The following KDM5C variants were observed in gnomAD, a reference collection of about 807,000 sequenced individuals.
The protein encoded by KDM5C is lysine demethylase 5C.
KDM5C carries 16 observed loss-of-function variants against 110.6 expected under a neutral mutation model. The ratio of observed to expected loss-of-function variants is 0.14; its 90% CI spans 0.10 to 0.22. KDM5C has a LOEUF of 0.22. Among genes scored for constraint, KDM5C ranks in the 10% least tolerant of loss-of-function variants. KDM5C has a pLI of 1.00. For missense variants in KDM5C, 681 were observed against 1,300.9 expected (o/e 0.52, Z 7.33); for synonymous variants, 511 against 520.4 (o/e 0.98, Z 0.24).
chrX:53,197,738 T>G (rs782149324), intron 18 of KDM5C, 33 bp downstream of exon 18: 26 of 1,109,753 alleles, frequency 2.3e-5, no homozygotes, highest in Non-Finnish European at 1.2e-6. Flanking sequence ...CCTGGTCCCC[T>G]TGATCCCTCA....
chrX:53,216,407 G>T (rs781908897), intron 5 of KDM5C, among the ~76,000 whole-genome samples: 1 of 112,186 alleles, frequency 8.9e-6, no homozygotes, highest in South Asian at 3.7e-4. Flanking sequence ...ATAAAAGACA[G>T]GATATCTCAG....
chrX:53,194,838 G>A (rs1229513531), intron 22 of KDM5C, 93 bp downstream of exon 22: 16 of 1,191,027 alleles, frequency 1.3e-5, no homozygotes, highest in Non-Finnish European at 1.5e-5. Context: ...GGAGAACTGA[G>A]GCTCAGGGGA....
At chrX:53,207,297 T>C (rs1556846020) in intron 12 of KDM5C, among the ~76,000 whole-genome samples, 1 of 111,401 alleles carries the variant, frequency 9.0e-6, no homozygotes, top group Non-Finnish European at 1.9e-5. Context: ...TTACCATTTC[T>C]ATGTGTAATT....
chrX:53,184,641 C>T (rs976534524), intron 25 of KDM5C, among the ~76,000 whole-genome samples: 23 of 112,221 alleles, frequency 2.0e-4, no homozygotes, highest in African/African-American at 7.4e-4. Flanking sequence ...TTATGTTGAA[C>T]CATTCTTGCA....
intron 12 of KDM5C, among the ~76,000 whole-genome samples, chrX:53,208,803 CTCTTTTTTTTTTTTTT>C (rs782505864): frequency 0.033 from 1,554 of 47,029 alleles, 18 homozygotes; most frequent in Non-Finnish European, 0.047. Context: ...CCACACCCGG[CTCTTTTTTTTTTTTTT>C]TTTTTTTTTT....
At chrX:53,200,911 GTAA>G (rs1377291747) in intron 14 of KDM5C, among the ~76,000 whole-genome samples, 1 of 112,267 alleles carries the variant, frequency 8.9e-6, no homozygotes, top group Admixed American at 9.5e-5. Context: ...CTTCAGCTTG[GTAA>G]TATTATTGCC....
rs782194913 is a variant in KDM5C, at chrX:53,210,592, A to T, written c.1584-16T>A. 9 of 1,210,208 alleles carry T rather than the reference A, an allele frequency of 7.4e-6. No individual in the cohort carries two copies. Among genetic ancestry groups the T allele is most frequent in the East Asian group, 3.0e-5 (1 of 33,793 alleles). On this transcript the variant is annotated splice_polypyrimidine_tract_variant and intron_variant, in intron 11 of 25. Coordinates refer to ENST00000375401, the MANE Select transcript of KDM5C (RefSeq NM_004187.5). ...CGGCTCACCCCTGCACAAGTGGAAA[A>T]GGGACACACACAGTAAATCACACCT...
chrX:53,181,255 G>A (rs182017382), intron 25 of KDM5C, among the ~76,000 whole-genome samples: 8 of 110,956 alleles, frequency 7.2e-5, no homozygotes, highest in Non-Finnish European at 1.3e-4. Context: ...GAATTACAAC[G>A]CAGGTTGAAT....
Position 53,193,206 on chromosome X carries a change from C to T in KDM5C, c.4444G>A (p.Val1482Ile). ...TCAGCCTCTGGCCCTGAGCTCCGTA[C>T]CCTCTTTGGCTCTAGCTCCTCTCGG... ...PAREELEPKR[V>I]RSSGPEAEEV... Residue 1482 changes from valine (V) to isoleucine (I), a missense_variant, in exon 26 of 26, where the codon GTA becomes ATA. By Grantham distance (29) the Val-to-Ile change is conservative. Transcript: ENST00000375401. 1 of 1,210,410 alleles carries T rather than the reference C, an allele frequency of 8.3e-7. No homozygotes were observed. The highest frequency in any genetic ancestry group is 1.1e-6 in the Non-Finnish European group (1 of 895,386).
At chrX:53,209,429 A>G (rs2073490503) in intron 12 of KDM5C, among the ~76,000 whole-genome samples, 4 of 111,654 alleles carry the variant, frequency 3.6e-5, no homozygotes, top group African/African-American at 1.3e-4. Flanking sequence ...GGCATATAGT[A>G]TACCAAAACA....
chrX:53,219,201 G>A (rs2073832705), intron 2 of KDM5C, among the ~76,000 whole-genome samples: 2 of 112,314 alleles, frequency 1.8e-5, no homozygotes, highest in Admixed American at 1.9e-4. Flanking sequence ...GAAAATAACT[G>A]CACAGTCCAC....
chrX:53,225,023 G>A lies in KDM5C; in HGVS notation c.-134C>T. The A allele has an allele frequency of 1.3e-6, 1 of 767,210 alleles. No individual in the cohort carries two copies. The allele number at this position is 767,210 out of a possible 1,213,427, so 63.2% of individuals were successfully genotyped here. On this transcript the variant is annotated 5_prime_UTR_variant, in exon 1 of 26. Transcript: ENST00000375401. ...GCGGGGCAGCCGCCGCCCGCCGAGG[G>A]CCTAAGGGGGCGTGTGGCCGTCGTG...
downstream of KDM5C, among the ~76,000 whole-genome samples, chrX:53,189,880 T>C (rs782577381): frequency 8.9e-6 from 1 of 111,797 alleles, no homozygotes; most frequent in South Asian, 3.8e-4. Flanking sequence ...AAGGCACAGG[T>C]GGAGACACTA....
At chrX:53,198,421 T>C in intron 17 of KDM5C, 69 bp downstream of exon 17, 1 of 1,129,860 alleles carries the variant, frequency 8.9e-7, no homozygotes, top group South Asian at 1.9e-5. Context: ...GTCTACCCCT[T>C]GCAGCACTTT....
intron 25 of KDM5C, among the ~76,000 whole-genome samples, chrX:53,184,894 A>ATTG (rs1556827590): frequency 8.9e-6 from 1 of 111,990 alleles, no homozygotes; most frequent in African/African-American, 3.2e-5. Context: ...ATTTCTAAAA[A>ATTG]TTGTTCTATT....
chrX:53,184,191 G>A (rs1367917133), intron 25 of KDM5C, among the ~76,000 whole-genome samples: 1 of 111,995 alleles, frequency 8.9e-6, no homozygotes, highest in African/African-American at 3.3e-5. Flanking sequence ...TGCTTTTTAT[G>A]TGTTGATCTT....
At chrX:53,198,186 G>A (rs1047173670) in intron 17 of KDM5C, among the ~76,000 whole-genome samples, 1 of 111,547 alleles carries the variant, frequency 9.0e-6, no homozygotes, top group Non-Finnish European at 1.9e-5. Context: ...TTACCCGTAA[G>A]CCTCCCACAA....
At chrX:53,198,742 C>T in intron 16 of KDM5C, 22 bp downstream of exon 16, 1 of 1,212,141 alleles carries the variant, frequency 8.2e-7, no homozygotes, top group South Asian at 1.8e-5. Context: ...TGTGGAGTCC[C>T]TCCATCCCCC....
chrX:53,211,756 C>T lies in KDM5C; in HGVS notation c.1242+31G>A, dbSNP rs782080990. On this transcript the variant is annotated intron_variant, in intron 9 of 25. Transcript: ENST00000375401. ...CTGGCATCAATACCTATGATCCTAG[C>T]CCAACACTACCTCAGCCCTCCATCA... 54 of 1,209,323 alleles carry T rather than the reference C, an allele frequency of 4.5e-5. No homozygotes were observed. The East Asian group carries it at 1.5e-3, about 32-fold the overall frequency.
Sources: allele counts gnomAD v4.1 joint callset (sites outside exome capture counted in the v4.1 genomes callset), GRCh38; gene constraint gnomAD v4.1.1; transcripts MANE v1.5; gene names NCBI Gene and HGNC (gene_info 2026-07-23, HGNC 2026-07-21).